The following AK7 variants were observed in gnomAD, a reference collection of about 807,000 sequenced individuals.
The protein encoded by AK7 is adenylate kinase 7.
A neutral mutation model predicts 96.6 loss-of-function variants in AK7; 78 were observed. The ratio of observed to expected loss-of-function variants is 0.81; its 90% confidence interval spans 0.67 to 0.97. The LOEUF (loss-of-function observed/expected upper bound fraction) is 0.97, where lower values mean the gene tolerates loss of function less well. Ranked by LOEUF, AK7 falls within the 50% of genes least tolerant of loss-of-function variation. The pLI, the probability that AK7 is intolerant of heterozygous loss-of-function variation, is 0.00. For synonymous variants in AK7, 302 were observed against 317.2 expected, an observed-to-expected ratio of 0.95 and a Z score of 0.51; for missense variants, 855 against 887.9, an observed-to-expected ratio of 0.96 and a Z score of 0.47.
In AK7 at chr14:96,456,408, T is replaced by C. The variant is rs1436259577; in HGVS notation, c.1160T>C (p.Leu387Ser). The change falls in exon 11 of 18, where the codon TTG becomes TCG. Residue 387 changes from leucine to serine, a missense_variant. Transcript: ENST00000267584. ...GGAAAATCCAGTATTGCTAAAGAAT[T>C]GGCCAACTACTACAAACTGCATCAC... ...AVGKSSIAKE[L>S]ANYYKLHHIQ... The C allele has an allele frequency of 1.2e-6, 2 of 1,613,992 alleles. No individual in the cohort carries two copies. The highest frequency in any genetic ancestry group is 1.7e-6 in the Non-Finnish European group (2 of 1,179,852).
chr14:96,429,624 C>T (rs1287141914), intron 5 of AK7, among the ~76,000 whole-genome samples: 1 of 151,992 alleles, frequency 6.6e-6, no homozygotes, highest in East Asian at 1.9e-4. Flanking sequence ...TTTTTGTGTC[C>T]TCTTTTATTT....
At chr14:96,448,146 A>T (rs2140104966) in intron 8 of AK7, among the ~76,000 whole-genome samples, 1 of 151,766 alleles carries the variant, frequency 6.6e-6, no homozygotes, top group Admixed American at 6.6e-5. Flanking sequence ...AAAAAAAGAA[A>T]AGAAATTCAG....
chr14:96,463,501 C>T (rs1488470320), intron 12 of AK7, among the ~76,000 whole-genome samples: 4 of 151,658 alleles, frequency 2.6e-5, no homozygotes, highest in Non-Finnish European at 5.9e-5. Context: ...GGGCGGATCA[C>T]GAGGTCAGGA....
chr14:96,427,992 C>G lies in AK7; in HGVS notation c.609+7060C>G, dbSNP rs138933716. 2.0e-5 allele frequency among the ~76,000 whole-genome samples: 3 copies of G among 152,178 alleles called. No homozygotes were observed. In the East Asian group the frequency reaches 5.8e-4, roughly 29 times the overall value. ...ACTCTTTTTTTTATTATTTTAAGTT[C>G]TAGGGTACATGTGCACAATGGGCAG... On this transcript the variant is annotated intron_variant, in intron 5 of 17. Transcript: ENST00000267584.
chr14:96,408,593 A>G (rs1890856858), intron 3 of AK7, among the ~76,000 whole-genome samples: 1 of 152,238 alleles, frequency 6.6e-6, no homozygotes, highest in Non-Finnish European at 1.5e-5. Context: ...AGTGGAGAGA[A>G]AGGGCTGCAG....
At chr14:96,465,873 G>A (rs12882059) in intron 12 of AK7, among the ~76,000 whole-genome samples, 23,460 of 151,830 alleles carry the variant, frequency 0.15, 2,482 homozygotes, top group East Asian at 0.49. Context: ...AGCCAGGTGC[G>A]GTGGCAGATG....
chr14:96,442,624 C>A, intron 6 of AK7, 106 bp from the exon 7 acceptor site: 1 of 850,068 alleles, frequency 1.2e-6, no homozygotes, highest in Non-Finnish European at 2.0e-6. Flanking sequence ...ATTACTTAAG[C>A]AGATAGCTAG....
At chr14:96,403,260 A>C (rs1174263262) in intron 2 of AK7, among the ~76,000 whole-genome samples, 10 of 152,104 alleles carry the variant, frequency 6.6e-5, no homozygotes, top group Non-Finnish European at 2.9e-5. Context: ...GTGAATATCA[A>C]GGTGGAGATC....
At chr14:96,436,072 C>T (rs938666755) in intron 5 of AK7, among the ~76,000 whole-genome samples, 1 of 152,078 alleles carries the variant, frequency 6.6e-6, no homozygotes, top group African/African-American at 2.4e-5. Flanking sequence ...TTCCATCCCG[C>T]CATCTTGCCC....
intron 15 of AK7, among the ~76,000 whole-genome samples, chr14:96,482,007 T>C (rs1246910588): frequency 2.6e-5 from 4 of 152,172 alleles, no homozygotes; most frequent in Non-Finnish European, 5.9e-5. Context: ...TTTTTTGCTT[T>C]TTTAAAGGTT....
At chr14:96,434,600 C>T (rs986048840) in intron 5 of AK7, among the ~76,000 whole-genome samples, 5 of 148,896 alleles carry the variant, frequency 3.4e-5, no homozygotes, top group African/African-American at 5.2e-5. Flanking sequence ...CTGGTTACTG[C>T]CTGTGTTCAC....
chr14:96,402,558 T>C (rs1398425082), intron 2 of AK7, among the ~76,000 whole-genome samples: 1 of 152,210 alleles, frequency 6.6e-6, no homozygotes. Context: ...TTTTCTTTCA[T>C]GTGTCATTTC....
intron 14 of AK7, among the ~76,000 whole-genome samples, chr14:96,477,832 G>A (rs529595977): frequency 6.6e-6 from 1 of 152,296 alleles, no homozygotes; most frequent in South Asian, 2.1e-4. Context: ...GGCCATCAAA[G>A]CATTTTGCTT....
At chr14:96,459,872 C>T (rs1894158326) in intron 12 of AK7, among the ~76,000 whole-genome samples, 1 of 151,204 alleles carries the variant, frequency 6.6e-6, no homozygotes, top group African/African-American at 2.4e-5. Flanking sequence ...GAAAGACTCC[C>T]TCTCAAAAAA....
At chr14:96,416,631 G>A (rs1366738626) in intron 4 of AK7, among the ~76,000 whole-genome samples, 1 of 152,112 alleles carries the variant, frequency 6.6e-6, no homozygotes, top group East Asian at 1.9e-4. Flanking sequence ...TGTAACCCCT[G>A]CTAAAGGAAA....
intron 1 of AK7, among the ~76,000 whole-genome samples, chr14:96,394,309 C>T (rs1270502898): frequency 6.6e-6 from 1 of 152,152 alleles, no homozygotes; most frequent in African/African-American, 2.4e-5. Context: ...GTACCATGCC[C>T]AGGGCCCATG....
At chr14:96,447,790 T>A (rs1450806778) in intron 8 of AK7, among the ~76,000 whole-genome samples, 1 of 152,080 alleles carries the variant, frequency 6.6e-6, no homozygotes, top group Non-Finnish European at 1.5e-5. Flanking sequence ...GTGCCCAGCA[T>A]CAGGAGTCTA....
intron 12 of AK7, among the ~76,000 whole-genome samples, chr14:96,467,241 A>G (rs1458538486): frequency 6.6e-6 from 1 of 152,130 alleles, no homozygotes; most frequent in Non-Finnish European, 1.5e-5. Context: ...TTAGTGCAGT[A>G]TGAAAGATTT....
rs780290188 is a variant in AK7 at position 96,458,127 on chromosome 14, A to C, written c.1272A>C (p.Glu424Asp). 34 of 1,613,858 alleles carry C rather than the reference A, an allele frequency of 2.1e-5. No homozygotes were observed. The highest frequency in any genetic ancestry group is 2.9e-5 in the Non-Finnish European group (34 of 1,179,942). The change falls in exon 12 of 18, where the codon GAA becomes GAC. Residue 424 changes from glutamate to aspartate, a missense_variant. Physicochemically the swap from Glu to Asp is conservative, Grantham distance 45. Transcript: ENST00000267584. Reference sequence around the variant, plus strand: ...ACGATGTAGGGGAAGGAGAAGAAGAAGTCGAAGAGGAAGAGGAGGAGGAGA... The same window carrying C: ...ACGATGTAGGGGAAGGAGAAGAAGACGTCGAAGAGGAAGAGGAGGAGGAGA... The part of the protein sequence containing the change: ...APNDVGEGEE[E>D]VEEEEEEENV...
Sources: gnomAD v4.1 joint callset for allele counts (sites outside exome capture counted in the v4.1 genomes callset) on GRCh38, gnomAD v4.1.1 for gene constraint, MANE v1.5 for transcripts, NCBI Gene and HGNC (gene_info 2026-07-23, HGNC 2026-07-21) for gene names.